The following KCNMA1 variants were observed in gnomAD, a reference collection of about 807,000 sequenced individuals.
The protein encoded by KCNMA1 is potassium calcium-activated channel subfamily M alpha 1.
In KCNMA1, 29 loss-of-function variants were observed where a neutral mutation model predicts 140.0. The observed-to-expected ratio is 0.21, with a 90% CI of 0.15 to 0.28. KCNMA1 has a LOEUF of 0.28. Ranked by LOEUF, KCNMA1 falls within the 10% of genes least tolerant of loss-of-function variation. The pLI, the probability that KCNMA1 is intolerant of heterozygous loss-of-function variation, is 1.00. For missense variants in KCNMA1, 880 were observed against 1,602.2 expected, an observed-to-expected ratio of 0.55 and a Z score of 7.70; for synonymous variants, 612 against 611.9, an observed-to-expected ratio of 1.00 and a Z score of 0.00.
chr10:77,189,639 C>T (rs764566748), intron 3 of KCNMA1, among the ~76,000 whole-genome samples: 14 of 152,078 alleles, frequency 9.2e-5, no homozygotes, highest in Non-Finnish European at 1.9e-4. Flanking sequence ...TTACTAGGGA[C>T]GGGACTGGCT....
intron 5 of KCNMA1, among the ~76,000 whole-genome samples, chr10:77,177,490 C>CCTTCT (rs1565009514): frequency 6.8e-6 from 1 of 146,548 alleles, no homozygotes; most frequent in Non-Finnish European, 1.5e-5. Context: ...TTCTGACTTT[C>CCTTCT]TTTCTTTTCT....
chr10:77,448,244 T>C (rs569946234), intron 1 of KCNMA1, among the ~76,000 whole-genome samples: 42 of 152,320 alleles, frequency 2.8e-4, no homozygotes, highest in African/African-American at 9.6e-4. Context: ...GTCTCCTGCA[T>C]GGAGAGGTCA....
intron 18 of KCNMA1, among the ~76,000 whole-genome samples, chr10:77,010,931 T>C (rs2090568258): frequency 6.6e-6 from 1 of 151,984 alleles, no homozygotes; most frequent in South Asian, 2.1e-4. Context: ...AGAGAATCAA[T>C]AGAGGCCTTC....
At chr10:76,985,764 C>A (rs921529469) in intron 19 of KCNMA1, among the ~76,000 whole-genome samples, 3 of 152,096 alleles carry the variant, frequency 2.0e-5, no homozygotes, top group African/African-American at 7.2e-5. Flanking sequence ...CCCAAGTACC[C>A]AAGAAAGGCA....
At chr10:76,992,292 A>G (rs1216429328) in intron 19 of KCNMA1, among the ~76,000 whole-genome samples, 1 of 152,214 alleles carries the variant, frequency 6.6e-6, no homozygotes, top group Non-Finnish European at 1.5e-5. Context: ...TCCTCAGAAT[A>G]AAAATCTGTG....
Position 77,284,613 on chromosome 10 carries a change from A to T in KCNMA1, c.541-33357T>A, listed in dbSNP as rs376344887. ...ACTGCAACCTCCACCTCCCAGGTTCAAGCGATTCTCTTGCCTCAACCTCCC... is the reference window on the plus strand; with the variant it reads ...ACTGCAACCTCCACCTCCCAGGTTCTAGCGATTCTCTTGCCTCAACCTCCC... On this transcript the variant is annotated intron_variant, in intron 2 of 27. Transcript: ENST00000286628. Among the ~76,000 whole-genome samples, 6 of 152,092 alleles carry T rather than the reference A, an allele frequency of 3.9e-5. No homozygotes were observed. In the East Asian group the frequency reaches 5.8e-4, roughly 15 times the overall value.
At chr10:77,441,045 G>T (rs1008694298) in intron 1 of KCNMA1, among the ~76,000 whole-genome samples, 2 of 151,820 alleles carry the variant, frequency 1.3e-5, no homozygotes, top group Non-Finnish European at 2.9e-5. Flanking sequence ...GGGTGGTCTC[G>T]ATCTCCTGAC....
chr10:77,302,259 T>A (rs2076707998), intron 2 of KCNMA1, among the ~76,000 whole-genome samples: 1 of 152,172 alleles, frequency 6.6e-6, no homozygotes. Context: ...GGGCTGCTTC[T>A]CTGAGCTCCA....
At chr10:77,525,858 G>A (rs2055415723) in intron 1 of KCNMA1, among the ~76,000 whole-genome samples, 1 of 152,058 alleles carries the variant, frequency 6.6e-6, no homozygotes, top group Admixed American at 6.6e-5. Flanking sequence ...CAGATAAACT[G>A]ACCCCATTCC....
chr10:77,194,838 G>GA (rs35565130), intron 3 of KCNMA1, among the ~76,000 whole-genome samples: 2 of 150,686 alleles, frequency 1.3e-5, no homozygotes, highest in East Asian at 2.0e-4. Context: ...AGAACATCTG[G>GA]AAAAAAAAAT....
At chr10:77,420,373 C>T (rs1409388898) in intron 1 of KCNMA1, among the ~76,000 whole-genome samples, 3 of 152,240 alleles carry the variant, frequency 2.0e-5, no homozygotes, top group Non-Finnish European at 2.9e-5. Context: ...TTCTCCTTCC[C>T]AAATCCTACA....
intron 12 of KCNMA1, among the ~76,000 whole-genome samples, chr10:77,082,007 CTTTTTTTTTT>C (rs201288668): frequency 6.2e-5 from 2 of 32,500 alleles, no homozygotes; most frequent in East Asian, 4.9e-4. Flanking sequence ...TTTTTCTTTT[CTTTTTTTTTT>C]TTTTTTTTTT....
chr10:77,000,854 G>GAAAAAAAA (rs147198441), intron 19 of KCNMA1, among the ~76,000 whole-genome samples: 1 of 10,514 alleles, frequency 9.5e-5, no homozygotes, highest in African/African-American at 3.4e-4. Context: ...ATAGTAAAAA[G>GAAAAAAAA]AAAATATATA....
At chr10:77,358,844 G>A (rs2093709417) in intron 2 of KCNMA1, among the ~76,000 whole-genome samples, 1 of 152,186 alleles carries the variant, frequency 6.6e-6, no homozygotes, top group Non-Finnish European at 1.5e-5. Context: ...GAGTGAATCC[G>A]TGCCTGGTTC....
intron 1 of KCNMA1, among the ~76,000 whole-genome samples, chr10:77,414,514 C>T (rs1340924868): frequency 1.3e-5 from 2 of 152,016 alleles, no homozygotes; most frequent in African/African-American, 4.8e-5. Context: ...TCTTTTGAGA[C>T]AGAGTCTCAC....
chr10:77,073,401 T>C (rs2096277412), intron 13 of KCNMA1, 149 bp from the exon 14 acceptor site: 18 of 797,986 alleles, frequency 2.3e-5, no homozygotes, highest in Admixed American at 2.0e-4. Flanking sequence ...GTTTGCTGTT[T>C]TATGCAACTC....
intron 23 of KCNMA1, among the ~76,000 whole-genome samples, chr10:76,938,893 CTT>C (rs1461955831): frequency 1.3e-5 from 2 of 152,094 alleles, no homozygotes; most frequent in Non-Finnish European, 2.9e-5. Flanking sequence ...ATTAATTACT[CTT>C]TTCCTATAAA....
rs76124460 is a variant in KCNMA1 at position 77,186,108 on chromosome 10, G to A, written c.603-1192C>T. ...ACTTCTGTAAGGACAACGCTTGGCT[G>A]TTCAACAGGCAGGAATCTGTGCAGT... is the stretch of plus-strand genomic sequence containing the variant. On this transcript the variant is annotated intron_variant, in intron 3 of 27. Transcript: ENST00000286628. Among the ~76,000 whole-genome samples, 1,202 of 152,294 alleles carry A rather than the reference G, an allele frequency of 7.9e-3. 10 individuals are homozygous for A. Among genetic ancestry groups the A allele is most frequent in the Non-Finnish European group, 0.013 (866 of 68,022 alleles).
intron 5 of KCNMA1, among the ~76,000 whole-genome samples, chr10:77,174,899 G>C (rs2098739259): frequency 6.6e-6 from 1 of 152,196 alleles, no homozygotes; most frequent in South Asian, 2.1e-4. Context: ...AAGAAGCTGA[G>C]CCTAGGTCAC....
Sources: allele counts gnomAD v4.1 joint callset (sites outside exome capture counted in the v4.1 genomes callset), GRCh38; gene constraint gnomAD v4.1.1; transcripts MANE v1.5; gene names NCBI Gene and HGNC (gene_info 2026-07-23, HGNC 2026-07-21).